The following OLR1 variants were observed in gnomAD, a reference collection of about 807,000 sequenced individuals.
OLR1 encodes the protein oxidized low-density lipoprotein receptor 1.
A neutral mutation model predicts 31.7 loss-of-function variants in OLR1; 23 were observed. The ratio of observed to expected loss-of-function variants is 0.72; its 90% CI spans 0.52 to 1.03. The LOEUF (loss-of-function observed/expected upper bound fraction) is 1.03, where lower values mean the gene tolerates loss of function less well. Among genes scored for constraint, OLR1 ranks in the 50% least tolerant of loss-of-function variants. OLR1 has a pLI of 0.00. For missense variants in OLR1, 286 were observed against 315.7 expected, an observed-to-expected ratio of 0.91 and a Z score of 0.71; for synonymous variants, 117 against 115.8, an observed-to-expected ratio of 1.01 and a Z score of -0.07.
At chr12:10,161,704 G>A (rs12819932) in intron 3 of OLR1, among the ~76,000 whole-genome samples, 61,108 of 151,648 alleles carry the variant, frequency 0.4, 13,754 homozygotes, top group Middle Eastern at 0.57. Context: ...CACCACACCC[G>A]GCTAGTTTGC....
At chr12:10,163,292 G>A (rs1244972677) in intron 3 of OLR1, among the ~76,000 whole-genome samples, 1 of 152,090 alleles carries the variant, frequency 6.6e-6, no homozygotes. Context: ...ACCATTTGAG[G>A]AAGTGTTTCT....
intron 2 of OLR1, 58 bp downstream of exon 2, chr12:10,169,016 A>T: frequency 8.5e-7 from 1 of 1,175,304 alleles, no homozygotes; most frequent in South Asian, 1.4e-5. Flanking sequence ...CATATTTATT[A>T]ACCTCATTTC....
At position 10,166,742 on chromosome 12, in the gene OLR1, C is replaced by A; in HGVS notation, c.394G>T (p.Glu132Ter). 6.2e-7 allele frequency: 1 copy of A among 1,614,004 alleles called. No individual in the cohort carries two copies. The highest frequency in any genetic ancestry group is 8.5e-7 in the Non-Finnish European group (1 of 1,180,010). Reference protein sequence around the residue: ...ELHHQNLNLQETLKRVANCSA... With the variant: ...ELHHQNLNLQ ...CAATTTGCTACTCTCTTCAGTGTTT[C>A]TTGGAGATTCAGATTCTGGTGGTGA... The change falls in exon 3 of 6, where the codon GAA (glutamate) becomes TAA (stop). Residue 132 changes from glutamate to a stop codon, truncating the protein, a stop_gained. Coordinates refer to ENST00000309539, the MANE Select transcript of OLR1 (RefSeq NM_002543.4). LOFTEE classifies it high-confidence loss of function.
chr12:10,163,141 C>T (rs1189832465), intron 3 of OLR1, among the ~76,000 whole-genome samples: 3 of 152,110 alleles, frequency 2.0e-5, no homozygotes, highest in Non-Finnish European at 4.4e-5. Flanking sequence ...CTCATTTAAT[C>T]CTCACAGTAT....
In OLR1 at chr12:10,160,459, A is replaced by G; in HGVS notation, c.568T>C (p.Phe190Leu). The G allele has an allele frequency of 6.2e-7, 1 of 1,609,936 alleles. No homozygotes were observed. ...LKINSTADLD[F>L]IQQAISYSSF... is the part of the protein sequence containing the mutation. ...GAATAGGAAATTGCTTGCTGGATGA[A>G]GTCCTGTGGGGAGTAATGTTTCTGA... The change falls in exon 5 of 6, where the codon TTC (phenylalanine) becomes CTC (leucine). Residue 190 changes from phenylalanine (F) to leucine (L), a missense_variant. By Grantham distance (22) the Phe-to-Leu change is conservative (BLOSUM62 0). Coordinates refer to ENST00000309539, the MANE Select transcript of OLR1 (RefSeq NM_002543.4).
intron 1 of OLR1, among the ~76,000 whole-genome samples, chr12:10,169,953 T>C (rs1289736538): frequency 4.0e-5 from 6 of 151,882 alleles, no homozygotes; most frequent in Admixed American, 2.0e-4. Flanking sequence ...ATATTACTGG[T>C]TGTGTAGGAA....
upstream of OLR1, chr12:10,175,265 T>G (rs936032342): frequency 6.6e-6 from 1 of 152,220 alleles, no homozygotes; most frequent in African/African-American, 2.4e-5. Context: ...TATTTCCATC[T>G]TTATCTCCCT....
Position 10,166,956 on chromosome 12 carries a change from T to C in OLR1, c.180A>G (p.Leu60=), listed in dbSNP as rs1434721595. Residue 60 remains leucine (L), a splice_region_variant and synonymous_variant, in exon 3 of 6, where the codon TTA becomes TTG. Coordinates refer to ENST00000309539, the MANE Select transcript of OLR1 (RefSeq NM_002543.4). Reference sequence around the variant, plus strand: ...GTGTTAGGAGGTCAGACACCTGGGATACTGAATCACAGTTGCATTAAGACT... The same window carrying C: ...GTGTTAGGAGGTCAGACACCTGGGACACTGAATCACAGTTGCATTAAGACT... ...VVTIMVLGMQ[L]SQVSDLLTQE... 2.5e-6 allele frequency: 4 copies of C among 1,611,930 alleles called. No homozygotes were observed. Among genetic ancestry groups the C allele is most frequent in the Non-Finnish European group, 3.4e-6 (4 of 1,179,484 alleles).
intron 3 of OLR1, among the ~76,000 whole-genome samples, chr12:10,166,364 C>T (rs1337382661): frequency 6.6e-6 from 1 of 151,788 alleles, no homozygotes; most frequent in Non-Finnish European, 1.5e-5. Flanking sequence ...CCTGTCTCTA[C>T]TGAAAATACA....
intron 1 of OLR1, among the ~76,000 whole-genome samples, chr12:10,169,685 T>C (rs1373263897): frequency 2.0e-5 from 3 of 149,848 alleles, no homozygotes; most frequent in African/African-American, 7.7e-5. Context: ...CTCAAATAAC[T>C]TTATGAATAA....
intron 3 of OLR1, among the ~76,000 whole-genome samples, chr12:10,161,838 A>G (rs1252296001): frequency 1.3e-5 from 2 of 151,910 alleles, no homozygotes; most frequent in African/African-American, 2.4e-5. Context: ...TAATATTTCA[A>G]ATATCTTGGG....
At chr12:10,164,678 C>G (rs1363474128) in intron 3 of OLR1, among the ~76,000 whole-genome samples, 1 of 150,942 alleles carries the variant, frequency 6.6e-6, no homozygotes, top group Non-Finnish European at 1.5e-5. Context: ...CTGAATGACT[C>G]TCTCTCACAC....
At chr12:10,175,725 A>G (rs143081612), upstream of OLR1, among the ~76,000 whole-genome samples, 2,549 of 152,352 alleles carry the variant, frequency 0.017, 81 homozygotes, top group African/African-American at 0.058. Flanking sequence ...GGTTGCAAAG[A>G]TGAAACTTCT....
Position 10,166,714 on chromosome 12 carries a change from G to A in OLR1, c.422C>T (p.Ser141Leu). 2 of 1,613,902 alleles carry A rather than the reference G, an allele frequency of 1.2e-6. No homozygotes were observed. Among genetic ancestry groups the A allele is most frequent in the Middle Eastern group, 1.7e-4 (1 of 6,058 alleles). ...QETLKRVANC[S>L]APCPQDWIWH... ...CTTACCCACCCTTCTCCCAATACCTGAACAATTTGCTACTCTCTTCAGTGT... is the reference window on the plus strand; with the variant it reads ...CTTACCCACCCTTCTCCCAATACCTAAACAATTTGCTACTCTCTTCAGTGT... The change falls in exon 3 of 6, where the codon TCA becomes TTA. Residue 141 changes from serine (S) to leucine (L), a missense_variant and splice_region_variant. Coordinates refer to ENST00000309539, the MANE Select transcript of OLR1 (RefSeq NM_002543.4).
At chr12:10,160,132 A>C (rs1948607880) in intron 5 of OLR1, 111 bp from the exon 6 acceptor site, 1 of 1,211,564 alleles carries the variant, frequency 8.3e-7, no homozygotes, top group Admixed American at 2.3e-5. Flanking sequence ...CCAATCAGTA[A>C]TAAATGTGGG....
rs1565419318 is a variant in OLR1, at chr12:10,160,477, G to A, written c.565-15C>T. The A allele has an allele frequency of 4.5e-6, 7 of 1,572,440 alleles. No homozygotes were observed. Among genetic ancestry groups the A allele is most frequent in the African/African-American group, 1.3e-5 (1 of 74,186 alleles). On this transcript the variant is annotated splice_polypyrimidine_tract_variant and intron_variant, in intron 4 of 5. Coordinates refer to ENST00000309539, the MANE Select transcript of OLR1 (RefSeq NM_002543.4). ...TGGATGAAGTCCTGTGGGGAGTAAT[G>A]TTTCTGAGTTTGTGGAATCCACATG... is the stretch of plus-strand genomic sequence containing the variant.
intron 3 of OLR1, among the ~76,000 whole-genome samples, chr12:10,161,554 T>C (rs1263756439): frequency 6.6e-6 from 1 of 152,156 alleles, no homozygotes; most frequent in African/African-American, 2.4e-5. Context: ...ACTAGAAATA[T>C]AGCTAGTTTG....
upstream of OLR1, chr12:10,175,521 C>T (rs936245724): frequency 1.3e-5 from 2 of 152,212 alleles, no homozygotes; most frequent in Admixed American, 6.5e-5. Flanking sequence ...CCTTGCTGCT[C>T]ACATAATTTG....
chr12:10,173,801 C>T (rs1948744828), upstream of OLR1, among the ~76,000 whole-genome samples: 1 of 149,706 alleles, frequency 6.7e-6, no homozygotes, highest in African/African-American at 2.5e-5. Flanking sequence ...AATACTGAAA[C>T]GATATCACAC....
Sources: allele counts gnomAD v4.1 joint callset (sites outside exome capture counted in the v4.1 genomes callset), GRCh38; gene constraint gnomAD v4.1.1; transcripts MANE v1.5; gene names NCBI Gene and HGNC (gene_info 2026-07-23, HGNC 2026-07-21).